ADD3: variants seen among roughly 807,000 people sequenced by gnomAD.
The protein encoded by ADD3 is gamma-adducin.
Under a neutral mutation model 80.2 loss-of-function variants are expected in ADD3, and 25 were observed. The observed-to-expected ratio is 0.31, with a 90% CI of 0.23 to 0.44. ADD3 has a LOEUF of 0.44. ADD3 is among the 20% of genes least tolerant of loss of function. The probability of loss-of-function intolerance (pLI) is 1.00; values close to 1 mark genes in which losing one functional copy is unlikely to be tolerated. For synonymous variants in ADD3, 284 were observed against 289.6 expected, an observed-to-expected ratio of 0.98 and a Z score of 0.20; for missense variants, 829 against 847.5, an observed-to-expected ratio of 0.98 and a Z score of 0.27.
chr10:110,043,816 T>G (rs1299396345), intron 1 of ADD3, among the ~76,000 whole-genome samples: 1 of 152,194 alleles, frequency 6.6e-6, no homozygotes, highest in African/African-American at 2.4e-5. Context: ...GTTAAATAAC[T>G]ACAGTAAAAA....
chr10:110,116,406 T>C lies in ADD3; in HGVS notation c.482T>C (p.Ile161Thr), dbSNP rs763992681. The change falls in exon 4 of 15, where the codon ATC (isoleucine) becomes ACC (threonine). Residue 161 changes from isoleucine (I) to threonine (T), a missense_variant. Ile to Thr is a moderately conservative substitution (Grantham distance 89). Coordinates refer to ENST00000356080, the MANE Select transcript of ADD3 (RefSeq NM_016824.5). ...FGWAHLANTYISVRISKEQDH... is the reference protein window; with the variant it reads ...FGWAHLANTYTSVRISKEQDH... Reference sequence around the variant, plus strand: ...TGGGCACACCTGGCAAATACCTATATCTCAGTGAGTTCTTCAGCTTTCAAT... The same window carrying C: ...TGGGCACACCTGGCAAATACCTATACCTCAGTGAGTTCTTCAGCTTTCAAT... 38 of 1,613,882 alleles carry C rather than the reference T, an allele frequency of 2.4e-5. 1 individual carries two copies. Among genetic ancestry groups the C allele is most frequent in the Middle Eastern group, 3.3e-4 (2 of 6,056 alleles).
chr10:110,082,391 T>C (rs979475261), intron 1 of ADD3, among the ~76,000 whole-genome samples: 4 of 152,190 alleles, frequency 2.6e-5, no homozygotes, highest in African/African-American at 9.6e-5. Context: ...TTCCTGTCCT[T>C]AGATGAGAAT....
chr10:110,099,253 T>A (rs1420335257), intron 1 of ADD3, among the ~76,000 whole-genome samples: 4 of 151,228 alleles, frequency 2.6e-5, no homozygotes, highest in African/African-American at 9.7e-5. Context: ...AAAAAAAAAA[T>A]ACAAAAATGT....
Position 110,119,520 on chromosome 10 carries a change from G to T in ADD3, c.916G>T (p.Ala306Ser). Residue 306 changes from alanine to serine, a missense_variant, in exon 8 of 15, where the codon GCT becomes TCT. Physicochemically the swap from Ala to Ser is moderately conservative, Grantham distance 99. Coordinates refer to ENST00000356080, the MANE Select transcript of ADD3 (RefSeq NM_016824.5). Reference sequence around the variant, plus strand: ...TGCACTTGGAGAAACATTAGAGGAGGCTTTTCATTATATTTTTAATGTGCA... The same window carrying T: ...TGCACTTGGAGAAACATTAGAGGAGTCTTTTCATTATATTTTTAATGTGCA... ...VVALGETLEE[A>S]FHYIFNVQLA... 6.2e-7 allele frequency: 1 copy of T among 1,614,060 alleles called. No homozygotes were observed. Among genetic ancestry groups the T allele is most frequent in the East Asian group, 2.2e-5 (1 of 44,864 alleles).
chr10:110,101,127 T>G (rs779096093), intron 2 of ADD3, among the ~76,000 whole-genome samples: 5 of 152,188 alleles, frequency 3.3e-5, no homozygotes, highest in Non-Finnish European at 5.9e-5. Context: ...AGACTGAATA[T>G]GTAAAGAAAA....
At chr10:110,073,532 G>A (rs552452843) in intron 1 of ADD3, among the ~76,000 whole-genome samples, 1 of 152,294 alleles carries the variant, frequency 6.6e-6, no homozygotes, top group Admixed American at 6.5e-5. Flanking sequence ...AAAGTGCACG[G>A]CACAGCAGTC....
chr10:110,063,737 T>TTTTATATATA (rs1491263798), intron 1 of ADD3, among the ~76,000 whole-genome samples: 14 of 64,650 alleles, frequency 2.2e-4, no homozygotes, highest in Non-Finnish European at 3.7e-4. Flanking sequence ...TATATATTCA[T>TTTTATATATA]TATATATATA....
intron 1 of ADD3, among the ~76,000 whole-genome samples, chr10:110,039,438 G>T (rs956279901): frequency 2.6e-5 from 4 of 152,152 alleles, no homozygotes; most frequent in African/African-American, 9.7e-5. Flanking sequence ...GTGGCAGAGA[G>T]TCCCAGCCAC....
chr10:110,026,745 C>G (rs1236975193), intron 1 of ADD3, among the ~76,000 whole-genome samples: 2 of 151,284 alleles, frequency 1.3e-5, no homozygotes, highest in Non-Finnish European at 2.9e-5. Flanking sequence ...TTTATAAAAA[C>G]TATGTAATAT....
At chr10:110,111,472 G>A (rs201775323) in intron 2 of ADD3, among the ~76,000 whole-genome samples, 7 of 152,168 alleles carry the variant, frequency 4.6e-5, no homozygotes, top group Non-Finnish European at 1.0e-4. Context: ...CTAGTAACTC[G>A]AGGGTTACTG....
chr10:110,130,601 A>G (rs1240151794), intron 13 of ADD3, 115 bp downstream of exon 13: 7 of 1,188,460 alleles, frequency 5.9e-6, no homozygotes, highest in Non-Finnish European at 8.2e-6. Flanking sequence ...CACACCTGTA[A>G]TCCCAGCACT....
At position 110,124,279 on chromosome 10, in the gene ADD3, G is replaced by A. The variant is rs1332279069; in HGVS notation, c.1401+5G>A. 6.2e-7 allele frequency: 1 copy of A among 1,612,956 alleles called. No homozygotes were observed. Among genetic ancestry groups the A allele is most frequent in the African/African-American group, 1.3e-5 (1 of 75,014 alleles). On this transcript the variant is annotated splice_donor_5th_base_variant and intron_variant, in intron 10 of 14. Coordinates refer to ENST00000356080, the MANE Select transcript of ADD3 (RefSeq NM_016824.5). ...AGTCCCCGAACCAAAATCACGGTAT[G>A]CCAGTATTTTATGTAGTTTGCCTTT... is the stretch of plus-strand genomic sequence containing the variant.
intron 1 of ADD3, among the ~76,000 whole-genome samples, chr10:110,098,786 C>T (rs1211257402): frequency 6.6e-6 from 1 of 152,082 alleles, no homozygotes; most frequent in Non-Finnish European, 1.5e-5. Context: ...CCTACCACCA[C>T]GCCCAACTAA....
chr10:110,042,552 A>G (rs1014988520), intron 1 of ADD3, among the ~76,000 whole-genome samples: 3 of 152,192 alleles, frequency 2.0e-5, no homozygotes, highest in African/African-American at 7.2e-5. Context: ...TATTTCAATT[A>G]TAATAATACT....
intron 1 of ADD3, among the ~76,000 whole-genome samples, chr10:110,056,395 A>G (rs987912571): frequency 6.6e-6 from 1 of 152,258 alleles, no homozygotes; most frequent in Non-Finnish European, 1.5e-5. Context: ...AAAGCAGGAA[A>G]GTGCAATTGA....
At chr10:110,067,685 A>T (rs953901708) in intron 1 of ADD3, among the ~76,000 whole-genome samples, 1 of 152,168 alleles carries the variant, frequency 6.6e-6, no homozygotes, top group Non-Finnish European at 1.5e-5. Context: ...CTTTATGGGG[A>T]TCTTGTAGTT....
intron 1 of ADD3, among the ~76,000 whole-genome samples, chr10:110,027,845 T>C (rs929315355): frequency 2.0e-5 from 3 of 152,254 alleles, no homozygotes; most frequent in Admixed American, 6.5e-5. Flanking sequence ...CTTTATGTGA[T>C]AACCAAAAGC....
intron 1 of ADD3, among the ~76,000 whole-genome samples, chr10:110,045,286 G>A (rs1023242756): frequency 2.5e-4 from 38 of 152,056 alleles, no homozygotes; most frequent in Admixed American, 1.3e-4. Context: ...CCCAGGAGTC[G>A]GAGGTTGCAG....
intron 1 of ADD3, among the ~76,000 whole-genome samples, chr10:110,095,610 T>C (rs1397294415): frequency 6.6e-6 from 1 of 152,230 alleles, no homozygotes; most frequent in Non-Finnish European, 1.5e-5. Flanking sequence ...TACTATACTT[T>C]GTGTTTGTCA....
Sources: gnomAD v4.1 joint callset for allele counts (sites outside exome capture counted in the v4.1 genomes callset) on GRCh38, gnomAD v4.1.1 for gene constraint, MANE v1.5 for transcripts, NCBI Gene and HGNC (gene_info 2026-07-23, HGNC 2026-07-21) for gene names.